The following ABTB3 variants were observed in gnomAD, a reference collection of about 807,000 sequenced individuals.
ABTB3 encodes the protein ankyrin repeat- and BTB/POZ domain-containing protein 3.
At chr12:107,451,910 T>C in the ABTB3 span, among the ~76,000 whole-genome samples, 3 of 152,244 alleles carry the variant, frequency 2.0e-5, no homozygotes, top group African/African-American at 2.4e-5. Flanking sequence ...CACTCACACC[T>C]GTGCAATAGT....
the ABTB3 span, among the ~76,000 whole-genome samples, chr12:107,541,074 C>T: frequency 6.6e-6 from 1 of 152,166 alleles, no homozygotes; most frequent in Non-Finnish European, 1.5e-5. Context: ...CAATCAAGAG[C>T]TCTGTGAACC....
the ABTB3 span, among the ~76,000 whole-genome samples, chr12:107,627,085 G>A: frequency 6.6e-6 from 1 of 152,178 alleles, no homozygotes; most frequent in Admixed American, 6.5e-5. Flanking sequence ...ATCTAAGAGA[G>A]GAAAGTCACA....
chr12:107,581,260 C>T, the ABTB3 span: 6 of 1,511,628 alleles, frequency 4.0e-6, no homozygotes, highest in East Asian at 1.5e-4. Flanking sequence ...GCCAGGCGGC[C>T]CGGCTGCTGC....
the ABTB3 span, among the ~76,000 whole-genome samples, chr12:107,389,846 TTGTG>T: frequency 0.039 from 5,558 of 141,514 alleles, 197 homozygotes; most frequent in African/African-American, 0.088. Context: ...GTGTGTGTGT[TTGTG>T]TGTGTGTGTG....
At chr12:107,645,044 C>T in the ABTB3 span, among the ~76,000 whole-genome samples, 1 of 148,028 alleles carries the variant, frequency 6.8e-6, no homozygotes, top group African/African-American at 2.5e-5. Context: ...GCAATCTCGG[C>T]TTACTGCAAC....
the ABTB3 span, among the ~76,000 whole-genome samples, chr12:107,623,061 C>CTT: frequency 0.054 from 7,474 of 138,214 alleles, 626 homozygotes; most frequent in African/African-American, 0.19. Context: ...GCTTATTTGT[C>CTT]TTTTTTTTTT....
At chr12:107,638,758 C>T in the ABTB3 span, among the ~76,000 whole-genome samples, 1 of 152,192 alleles carries the variant, frequency 6.6e-6, no homozygotes, top group Non-Finnish European at 1.5e-5. Context: ...CCTCACTACT[C>T]TGTGATGGAG....
At chr12:107,451,678 T>C in the ABTB3 span, among the ~76,000 whole-genome samples, 1 of 147,886 alleles carries the variant, frequency 6.8e-6, no homozygotes, top group Non-Finnish European at 1.5e-5. Context: ...CACCTTTCCT[T>C]CCCCCCAGTT....
At chr12:107,418,916 A>T in the ABTB3 span, among the ~76,000 whole-genome samples, 1 of 152,164 alleles carries the variant, frequency 6.6e-6, no homozygotes. Flanking sequence ...TCCTACCCCC[A>T]TGAAAGTCCA....
the ABTB3 span, among the ~76,000 whole-genome samples, chr12:107,370,567 AT>A: frequency 6.6e-6 from 1 of 152,088 alleles, no homozygotes; most frequent in African/African-American, 2.4e-5. Flanking sequence ...GAAAAAATAG[AT>A]AAAAATCAAG....
At chr12:107,403,502 A>G in the ABTB3 span, among the ~76,000 whole-genome samples, 1 of 152,106 alleles carries the variant, frequency 6.6e-6, no homozygotes, top group South Asian at 2.1e-4. Flanking sequence ...TCTTCCCACA[A>G]TGGGCCTACA....
chr12:107,516,216 T>G, the ABTB3 span, among the ~76,000 whole-genome samples: 2 of 147,600 alleles, frequency 1.4e-5, no homozygotes, highest in Non-Finnish European at 3.0e-5. Context: ...TCTGTATCAT[T>G]CATCCATTAT....
At chr12:107,549,950 C>T in the ABTB3 span, among the ~76,000 whole-genome samples, 1 of 152,160 alleles carries the variant, frequency 6.6e-6, no homozygotes, top group African/African-American at 2.4e-5. Flanking sequence ...TGCACAATCA[C>T]CCATGTAGAT....
At chr12:107,321,693 T>G in the ABTB3 span, among the ~76,000 whole-genome samples, 140 of 152,230 alleles carry the variant, frequency 9.2e-4, no homozygotes, top group African/African-American at 3.3e-3. Context: ...TGTATGTGCT[T>G]CTTCAGAATG....
chr12:107,319,915 G>T, the ABTB3 span: 11 of 1,457,950 alleles, frequency 7.5e-6, no homozygotes, highest in Non-Finnish European at 1.0e-5. Flanking sequence ...CCGCAGTCCC[G>T]CCGGCAGCCG....
the ABTB3 span, among the ~76,000 whole-genome samples, chr12:107,375,201 G>A: frequency 6.6e-6 from 1 of 152,152 alleles, no homozygotes; most frequent in Non-Finnish European, 1.5e-5. Context: ...AGGATCACTT[G>A]AACCCAGAAA....
chr12:107,384,623 C>A, the ABTB3 span, among the ~76,000 whole-genome samples: 1 of 152,174 alleles, frequency 6.6e-6, no homozygotes, highest in Non-Finnish European at 1.5e-5. Flanking sequence ...ACAACAGAGG[C>A]CTCAGTACAT....
chr12:107,464,033 C>T, the ABTB3 span, among the ~76,000 whole-genome samples: 5 of 152,126 alleles, frequency 3.3e-5, no homozygotes, highest in African/African-American at 7.2e-5. Context: ...CAGGGAGGAG[C>T]GGGAGGCACA....
At chr12:107,332,052 G>T in the ABTB3 span, among the ~76,000 whole-genome samples, 2 of 152,222 alleles carry the variant, frequency 1.3e-5, no homozygotes, top group African/African-American at 4.8e-5. Context: ...GTGGAGCCTC[G>T]AGGGGCAGCT....
Sources: allele counts gnomAD v4.1 joint callset (sites outside exome capture counted in the v4.1 genomes callset), GRCh38; gene constraint gnomAD v4.1.1; transcripts MANE v1.5; gene names NCBI Gene and HGNC (gene_info 2026-07-23, HGNC 2026-07-21).